Variants in MYRFL observed in about 807,000 individuals in gnomAD.
MYRFL encodes myelin regulatory factor like, also known as myelin regulatory factor-like protein.
MYRFL carries 88 observed loss-of-function variants against 109.4 expected under a neutral mutation model. The ratio of observed to expected loss-of-function variants is 0.80; its 90% CI spans 0.68 to 0.96. The LOEUF (loss-of-function observed/expected upper bound fraction) is 0.96. Ranked by LOEUF, MYRFL falls within the 40% of genes least tolerant of loss-of-function variation. The pLI is 0.00. For synonymous variants in MYRFL, 324 were observed against 320.9 expected (o/e 1.01, Z -0.10); for missense variants, 957 against 954.9 (o/e 1.00, Z -0.03).
intron 16 of MYRFL, chr12:69,935,907 T>C (rs192757845): frequency 1.5e-4 from 91 of 600,536 alleles, no homozygotes; most frequent in African/African-American, 1.5e-3. Context: ...TAGGAGCCTC[T>C]GAGCTCTTTT....
chr12:69,858,268 G>A (rs537833302), intron 2 of MYRFL, among the ~76,000 whole-genome samples: 31 of 151,742 alleles, frequency 2.0e-4, no homozygotes, highest in Non-Finnish European at 3.8e-4. Context: ...ATTTTGTTGA[G>A]CATTTTGCAT....
chr12:69,903,971 C>T, intron 11 of MYRFL, 127 bp downstream of exon 11: 2 of 824,014 alleles, frequency 2.4e-6, no homozygotes, highest in Non-Finnish European at 3.6e-6. Context: ...GAGATGAACA[C>T]ACTGCTTAAA....
chr12:69,826,495 C>T (rs141846199), intron 1 of MYRFL, among the ~76,000 whole-genome samples: 1 of 152,212 alleles, frequency 6.6e-6, no homozygotes, highest in East Asian at 1.9e-4. Context: ...TTATTGTATA[C>T]ATGCAAAAAT....
chr12:69,934,009 T>C, intron 16 of MYRFL, among the ~76,000 whole-genome samples: 1 of 152,322 alleles, frequency 6.6e-6, no homozygotes, highest in East Asian at 1.9e-4. Context: ...ATGGAACAGA[T>C]GTGTCCATTT....
chr12:69,896,605 A>T (rs10879032), intron 9 of MYRFL, among the ~76,000 whole-genome samples: 21 of 152,220 alleles, frequency 1.4e-4, no homozygotes, highest in African/African-American at 5.1e-4. Context: ...CTTTGGCTAA[A>T]GTCAAGCCCA....
intron 2 of MYRFL, among the ~76,000 whole-genome samples, chr12:69,855,780 T>C (rs1186880591): frequency 6.6e-6 from 1 of 152,086 alleles, no homozygotes; most frequent in Non-Finnish European, 1.5e-5. Flanking sequence ...GTCAGTAACT[T>C]GTCTTTTTTT....
Position 69,888,502 on chromosome 12 carries a change from C to G in MYRFL, c.707+1532C>G, listed in dbSNP as rs1353287424. 2.0e-5 allele frequency among the ~76,000 whole-genome samples: 3 copies of G among 152,148 alleles called. 1 individual carries two copies. Among genetic ancestry groups the G allele is most frequent in the Admixed American group, 1.3e-4 (2 of 15,284 alleles). On this transcript the variant is annotated intron_variant, in intron 6 of 24. Coordinates refer to ENST00000552032, the MANE Select transcript of MYRFL (RefSeq NM_182530.3). Reference sequence around the variant, plus strand: ...ATGCTATCAAAGAACTTTTAAAAAGCCAGTTTAATTGACTTTATACTTAAC... The same window carrying G: ...ATGCTATCAAAGAACTTTTAAAAAGGCAGTTTAATTGACTTTATACTTAAC...
At chr12:69,948,110 C>G (rs995293961) in intron 19 of MYRFL, among the ~76,000 whole-genome samples, 3 of 152,038 alleles carry the variant, frequency 2.0e-5, no homozygotes, top group Non-Finnish European at 2.9e-5. Context: ...GAGATCAACC[C>G]TAGAAGGTGC....
chr12:69,897,045 CA>C, intron 9 of MYRFL, 110 bp from the exon 10 acceptor site: 1 of 756,696 alleles, frequency 1.3e-6, no homozygotes, highest in Non-Finnish European at 2.3e-6. Flanking sequence ...TTTAAATAAG[CA>C]AACTCTTCTC....
intron 11 of MYRFL, among the ~76,000 whole-genome samples, chr12:69,905,989 T>C (rs1954345582): frequency 1.3e-5 from 2 of 152,226 alleles, no homozygotes; most frequent in African/African-American, 2.4e-5. Context: ...GTCAATTTGA[T>C]GGCATGCATA....
intron 5 of MYRFL, among the ~76,000 whole-genome samples, chr12:69,881,306 T>C (rs1886091013): frequency 6.6e-6 from 1 of 152,182 alleles, no homozygotes; most frequent in African/African-American, 2.4e-5. Flanking sequence ...AACACTCAAA[T>C]GTGGGCAGTG....
intron 1 of MYRFL, among the ~76,000 whole-genome samples, chr12:69,845,070 G>C (rs1883450117): frequency 6.6e-6 from 1 of 152,106 alleles, no homozygotes; most frequent in Non-Finnish European, 1.5e-5. Flanking sequence ...ATCCCTGCAT[G>C]GCTGGCTCCC....
intron 1 of MYRFL, among the ~76,000 whole-genome samples, chr12:69,837,438 G>A (rs1883014461): frequency 6.6e-6 from 1 of 151,940 alleles, no homozygotes; most frequent in Admixed American, 6.6e-5. Flanking sequence ...TTCAACAATT[G>A]GTTCATTGTT....
Position 69,952,198 on chromosome 12 carries a change from C to G in MYRFL, c.2287+23C>G, listed in dbSNP as rs1000894540. On this transcript the variant is annotated intron_variant, in intron 20 of 24. Transcript: ENST00000552032. ...ACTGTAAGTTGACATTTAAGTGACA[C>G]TATTCTTTGGCTTTGCGGGGCCAGG... is the stretch of plus-strand genomic sequence containing the variant. The G allele has an allele frequency of 3.9e-6, 6 of 1,534,452 alleles. No homozygotes were observed. The South Asian group carries it at 4.8e-5, about 12-fold the overall frequency.
chr12:69,958,037 G>A (rs1318613898), intron 23 of MYRFL, 95 bp downstream of exon 23: 1 of 1,452,740 alleles, frequency 6.9e-7, no homozygotes, highest in African/African-American at 1.4e-5. Flanking sequence ...TAGTCACAGG[G>A]CTTGGCTCAG....
At chr12:69,828,908 C>T (rs917874715) in intron 1 of MYRFL, among the ~76,000 whole-genome samples, 1 of 151,958 alleles carries the variant, frequency 6.6e-6, no homozygotes, top group Admixed American at 6.6e-5. Flanking sequence ...TATTTAATCT[C>T]GAAAGAACAA....
chr12:69,909,593 C>A (rs898152), intron 11 of MYRFL, among the ~76,000 whole-genome samples: 28,006 of 152,126 alleles, frequency 0.18, 3,717 homozygotes, highest in African/African-American at 0.37. Flanking sequence ...CAAAATCTCT[C>A]AATTTAAAGA....
intron 13 of MYRFL, among the ~76,000 whole-genome samples, chr12:69,921,051 C>T (rs1954896590): frequency 6.6e-6 from 1 of 152,166 alleles, no homozygotes. Context: ...AGTGGTGTTT[C>T]AGCTGAGGTA....
intron 5 of MYRFL, among the ~76,000 whole-genome samples, chr12:69,885,213 G>T (rs1489016790): frequency 2.0e-5 from 3 of 151,976 alleles, no homozygotes; most frequent in Non-Finnish European, 4.4e-5. Context: ...GGGAAAAAAA[G>T]TTTTTCAGTG....
Sources: gnomAD v4.1 joint callset for allele counts (sites outside exome capture counted in the v4.1 genomes callset) on GRCh38, gnomAD v4.1.1 for gene constraint, MANE v1.5 for transcripts, NCBI Gene and HGNC (gene_info 2026-07-23, HGNC 2026-07-21) for gene names.